Variants in VKORC1L1 observed in about 807,000 individuals in gnomAD.
VKORC1L1 encodes the protein vitamin K epoxide reductase complex subunit 1-like protein 1.
In VKORC1L1, 2 loss-of-function variants were observed where a neutral mutation model predicts 18.9. The ratio of observed to expected loss-of-function variants is 0.11; its 90% CI spans 0.04 to 0.33. VKORC1L1 has a LOEUF of 0.33. Ranked by LOEUF, VKORC1L1 falls within the 10% of genes least tolerant of loss-of-function variation. The probability of loss-of-function intolerance (pLI) is 1.00; values close to 1 mark genes in which losing one functional copy is unlikely to be tolerated. For synonymous variants in VKORC1L1, 96 were observed against 100.0 expected (o/e 0.96, Z 0.24); for missense variants, 123 against 224.1 (o/e 0.55, Z 2.88).
chr7:65,939,773 G>A (rs1169717988), intron 1 of VKORC1L1, among the ~76,000 whole-genome samples: 4 of 152,282 alleles, frequency 2.6e-5, no homozygotes, highest in African/African-American at 9.6e-5. Flanking sequence ...AGGCACAGTG[G>A]TGTCAGGGCC....
intron 1 of VKORC1L1, among the ~76,000 whole-genome samples, chr7:65,884,138 T>C (rs1267690260): frequency 6.6e-6 from 1 of 152,194 alleles, no homozygotes; most frequent in Non-Finnish European, 1.5e-5. Flanking sequence ...GTTGAAATCT[T>C]GGCTCTGTCA....
intron 1 of VKORC1L1, among the ~76,000 whole-genome samples, chr7:65,944,771 GC>G (rs936791020): frequency 3.3e-5 from 5 of 152,070 alleles, no homozygotes; most frequent in Middle Eastern, 6.8e-3. Flanking sequence ...ACAAAAATTA[GC>G]CAGGCACGGT....
At chr7:65,934,688 G>A (rs762223015) in intron 1 of VKORC1L1, among the ~76,000 whole-genome samples, 23 of 151,954 alleles carry the variant, frequency 1.5e-4, no homozygotes, top group Non-Finnish European at 1.9e-4. Context: ...TTCCATCCAC[G>A]TCACCAATGA....
At chr7:65,914,552 A>G (rs1264435731) in intron 1 of VKORC1L1, among the ~76,000 whole-genome samples, 1 of 152,146 alleles carries the variant, frequency 6.6e-6, no homozygotes, top group East Asian at 1.9e-4. Flanking sequence ...TTTAATGGCA[A>G]TTACTCATTC....
At chr7:65,917,113 C>T (rs201444738) in intron 1 of VKORC1L1, among the ~76,000 whole-genome samples, 113 of 152,178 alleles carry the variant, frequency 7.4e-4, no homozygotes, top group African/African-American at 2.7e-3. Context: ...AGACTTTCTC[C>T]CGTGCACCAA....
intron 1 of VKORC1L1, among the ~76,000 whole-genome samples, chr7:65,921,218 C>A (rs1789670015): frequency 6.6e-6 from 1 of 152,034 alleles, no homozygotes; most frequent in African/African-American, 2.4e-5. Flanking sequence ...ATTTTATAGA[C>A]CTTTTATATG....
At chr7:65,898,893 C>T (rs1257894871) in intron 1 of VKORC1L1, among the ~76,000 whole-genome samples, 2 of 152,150 alleles carry the variant, frequency 1.3e-5, no homozygotes, top group Non-Finnish European at 1.5e-5. Flanking sequence ...CTCTAGATAG[C>T]TCATGCAAGT....
rs917693132 is a variant in VKORC1L1, at chr7:65,900,923, C to G, written c.194+27358C>G. Among the ~76,000 whole-genome samples, 3 of 152,142 alleles carry G rather than the reference C, an allele frequency of 2.0e-5. No homozygotes were observed. The East Asian group carries it at 5.8e-4, about 29-fold the overall frequency. The stretch of plus-strand genomic sequence containing the variant: ...GAATGAAGAAGTCCAAGGCCAGTCA[C>G]GTAGTACTTCTGCAAAAGAGGTTAT... On this transcript the variant is annotated intron_variant, in intron 1 of 2. Transcript: ENST00000360768.
intron 1 of VKORC1L1, among the ~76,000 whole-genome samples, chr7:65,945,345 C>T (rs1790102009): frequency 6.6e-6 from 1 of 152,014 alleles, no homozygotes; most frequent in African/African-American, 2.4e-5. Context: ...GGCGCAGTGG[C>T]TCACGCCTGT....
intron 1 of VKORC1L1, among the ~76,000 whole-genome samples, chr7:65,895,285 A>G (rs1231647349): frequency 1.3e-5 from 2 of 151,676 alleles, no homozygotes; most frequent in Non-Finnish European, 2.9e-5. Context: ...AGCTATTTCA[A>G]TTGGCATAAA....
rs745583741 is a variant in VKORC1L1, at chr7:65,878,093, T to TA, written c.194+4537dup. Among the ~76,000 whole-genome samples, 40 of 151,234 alleles carry TA rather than the reference T, an allele frequency of 2.6e-4. No individual in the cohort carries two copies. In the East Asian group the frequency reaches 6.2e-3, roughly 23 times the overall value. ...TCGGATTACTACCTCTCCCATATCT[T>TA]AAAAAAAAAGTACCATCTATTTACT... On this transcript the variant is annotated intron_variant, in intron 1 of 2. Transcript: ENST00000360768.
At chr7:65,930,498 G>T (rs953057356) in intron 1 of VKORC1L1, among the ~76,000 whole-genome samples, 23 of 152,206 alleles carry the variant, frequency 1.5e-4, no homozygotes, top group Admixed American at 7.2e-4. Flanking sequence ...TGCAGTTATT[G>T]ATCAAGCATT....
intron 1 of VKORC1L1, among the ~76,000 whole-genome samples, chr7:65,934,421 A>C (rs1450613576): frequency 6.6e-6 from 1 of 152,170 alleles, no homozygotes; most frequent in African/African-American, 2.4e-5. Context: ...GCAGTTTTGA[A>C]ATGCAGAACA....
chr7:65,878,449 CAA>C (rs199511372), intron 1 of VKORC1L1, among the ~76,000 whole-genome samples: 4 of 137,832 alleles, frequency 2.9e-5, no homozygotes, highest in East Asian at 2.1e-4. Flanking sequence ...CTCTGTCTTA[CAA>C]AAAAAAAAAA....
chr7:65,917,562 T>C (rs987993040), intron 1 of VKORC1L1, among the ~76,000 whole-genome samples: 1 of 150,412 alleles, frequency 6.6e-6, no homozygotes, highest in Non-Finnish European at 1.5e-5. Context: ...GATAAATTTT[T>C]CCCAACATTT....
chr7:65,875,573 A>G (rs932683192), intron 1 of VKORC1L1, among the ~76,000 whole-genome samples: 4 of 151,958 alleles, frequency 2.6e-5, no homozygotes, highest in African/African-American at 9.7e-5. Flanking sequence ...GCCCGCCACA[A>G]CGCCCTGCTA....
chr7:65,936,851 G>A (rs766755203), intron 1 of VKORC1L1, among the ~76,000 whole-genome samples: 2 of 152,144 alleles, frequency 1.3e-5, no homozygotes, highest in African/African-American at 4.8e-5. Context: ...CATGTGACTG[G>A]CTTCACCCGA....
chr7:65,934,735 C>T (rs1270098257), intron 1 of VKORC1L1, among the ~76,000 whole-genome samples: 1 of 152,060 alleles, frequency 6.6e-6, no homozygotes, highest in Non-Finnish European at 1.5e-5. Context: ...AAGAATCTTA[C>T]AAATGTTAAA....
At chr7:65,895,524 C>G (rs71564939) in intron 1 of VKORC1L1, among the ~76,000 whole-genome samples, 14,523 of 124,124 alleles carry the variant, frequency 0.12, 1,086 homozygotes, top group Middle Eastern at 0.25. Flanking sequence ...TATACACACA[C>G]ACACACACAC....
Sources: allele counts gnomAD v4.1 joint callset (sites outside exome capture counted in the v4.1 genomes callset), GRCh38; gene constraint gnomAD v4.1.1; transcripts MANE v1.5; gene names NCBI Gene and HGNC (gene_info 2026-07-23, HGNC 2026-07-21).